PLA2G4C: variants seen among roughly 807,000 people sequenced by gnomAD.
PLA2G4C encodes the protein cytosolic phospholipase A2 gamma.
A neutral mutation model predicts 73.8 loss-of-function variants in PLA2G4C; 64 were observed. The ratio of observed to expected loss-of-function variants is 0.87; its 90% CI spans 0.71 to 1.07. PLA2G4C has a LOEUF of 1.07. Ranked by LOEUF, PLA2G4C falls within the 50% of genes least tolerant of loss-of-function variation. PLA2G4C has a pLI of 0.00. For missense variants in PLA2G4C, 622 were observed against 665.4 expected (o/e 0.93, Z 0.72); for synonymous variants, 254 against 252.1 (o/e 1.01, Z -0.07).
chr19:48,108,363 C>T (rs434371), intron 1 of PLA2G4C, among the ~76,000 whole-genome samples: 95,618 of 151,922 alleles, frequency 0.63, 31,909 homozygotes, highest in East Asian at 0.88. Context: ...CTCATTCTCC[C>T]GGGCTCATGC....
intron 15 of PLA2G4C, among the ~76,000 whole-genome samples, chr19:48,053,360 T>TTTTC (rs1967798716): frequency 3.7e-5 from 5 of 133,384 alleles, no homozygotes; most frequent in African/African-American, 8.2e-5. Context: ...TCCGGTCCTT[T>TTTTC]TTTCTTTTTT....
intron 16 of PLA2G4C, among the ~76,000 whole-genome samples, chr19:48,051,038 G>A (rs1967706102): frequency 6.6e-6 from 1 of 152,114 alleles, no homozygotes; most frequent in Non-Finnish European, 1.5e-5. Flanking sequence ...ATCCTGAGAT[G>A]AGGAGAGGAT....
chr19:48,055,433 C>T (rs1321994814), intron 14 of PLA2G4C, among the ~76,000 whole-genome samples: 3 of 140,276 alleles, frequency 2.1e-5, no homozygotes, highest in Non-Finnish European at 3.0e-5. Flanking sequence ...GGCATGGGGG[C>T]GTGCACCTGT....
At chr19:48,107,808 G>C (rs921957729) in intron 1 of PLA2G4C, among the ~76,000 whole-genome samples, 12 of 152,194 alleles carry the variant, frequency 7.9e-5, no homozygotes, top group Non-Finnish European at 1.6e-4. Flanking sequence ...AGCAGTAGCA[G>C]AATTAGTGAA....
chr19:48,071,748 T>C (rs935540898), intron 12 of PLA2G4C, among the ~76,000 whole-genome samples: 1 of 152,118 alleles, frequency 6.6e-6, no homozygotes, highest in African/African-American at 2.4e-5. Context: ...CACACCTGGC[T>C]TTTTTAAATG....
In PLA2G4C at chr19:48,106,506, C is replaced by G; in HGVS notation, c.8+16G>C. ...TGCTCTGCTTCCCCATAGTGGTCAG[C>G]TCTAAGAGGACTTACCTTCCCATGG... On this transcript the variant is annotated intron_variant, in intron 2 of 16. Transcript: ENST00000599921. 4 of 1,596,996 alleles carry G rather than the reference C, an allele frequency of 2.5e-6. No homozygotes were observed. The highest frequency in any genetic ancestry group is 2.6e-6 in the Non-Finnish European group (3 of 1,164,396).
At chr19:48,063,135 C>G (rs933988060) in intron 13 of PLA2G4C, among the ~76,000 whole-genome samples, 9 of 152,124 alleles carry the variant, frequency 5.9e-5, no homozygotes, top group Non-Finnish European at 1.2e-4. Context: ...ACCTCCACCT[C>G]CTGGCTTCAA....
At chr19:48,086,803 A>G (rs2031006752) in intron 9 of PLA2G4C, among the ~76,000 whole-genome samples, 1 of 152,182 alleles carries the variant, frequency 6.6e-6, no homozygotes, top group Non-Finnish European at 1.5e-5. Context: ...CTGGCTAACC[A>G]GGAGGTCCTG....
intron 14 of PLA2G4C, among the ~76,000 whole-genome samples, chr19:48,059,227 T>C (rs1968076388): frequency 1.4e-5 from 2 of 147,026 alleles, no homozygotes; most frequent in Non-Finnish European, 3.0e-5. Flanking sequence ...GCCGAGATTG[T>C]GCCACTGCAC....
rs11564639 is a variant in PLA2G4C at position 48,061,774 on chromosome 19, G to C, written c.1257+224C>G. On this transcript the variant is annotated intron_variant, in intron 14 of 16. Coordinates refer to ENST00000599921, the MANE Select transcript of PLA2G4C (RefSeq NM_003706.3). ...GGGGAGAGTCATCTGCCAGGAAGAG[G>C]GGCCCGGGAAGGTCTGGGATGGCTT... is the stretch of plus-strand genomic sequence containing the variant. 2.4e-4 allele frequency: 129 copies of C among 526,906 alleles called. 3 individuals carry two copies. The South Asian group carries it at 2.5e-3, about 10-fold the overall frequency. The allele number at this position is 526,906 out of a possible 1,614,324, so 32.6% of individuals were successfully genotyped here.
At chr19:48,069,055 A>C (rs1367817487) in intron 12 of PLA2G4C, among the ~76,000 whole-genome samples, 2 of 151,844 alleles carry the variant, frequency 1.3e-5, no homozygotes, top group African/African-American at 4.8e-5. Context: ...AAAAAAAAAA[A>C]AAAAAACGGT....
intron 14 of PLA2G4C, among the ~76,000 whole-genome samples, chr19:48,056,062 CAA>C (rs1330153522): frequency 6.6e-6 from 1 of 152,156 alleles, no homozygotes; most frequent in African/African-American, 2.4e-5. Flanking sequence ...TCAGTTGTAA[CAA>C]GTTTCATTTA....
chr19:48,066,041 C>G (rs762870497), intron 13 of PLA2G4C, among the ~76,000 whole-genome samples: 5 of 151,132 alleles, frequency 3.3e-5, no homozygotes, highest in Non-Finnish European at 7.4e-5. Flanking sequence ...GAGCTGAGAT[C>G]GCGCCATTGC....
At position 48,067,901 on chromosome 19, in the gene PLA2G4C, C is replaced by T. The variant is rs779546266; in HGVS notation, c.1007-15G>A. The T allele has an allele frequency of 5.1e-6, 8 of 1,583,948 alleles. No homozygotes were observed. Among genetic ancestry groups the T allele is most frequent in the Middle Eastern group, 1.7e-4 (1 of 6,022 alleles). ...ACTGAGTGAGCCTAGGGAAAGAAGCCGAGACAGCCAAGGTGAGTTCAGGAG... is the reference window on the plus strand; with the variant it reads ...ACTGAGTGAGCCTAGGGAAAGAAGCTGAGACAGCCAAGGTGAGTTCAGGAG... On this transcript the variant is annotated splice_polypyrimidine_tract_variant and intron_variant, in intron 12 of 16. Coordinates refer to ENST00000599921, the MANE Select transcript of PLA2G4C (RefSeq NM_003706.3).
At chr19:48,075,649 A>G (rs2030101936) in intron 11 of PLA2G4C, among the ~76,000 whole-genome samples, 1 of 152,138 alleles carries the variant, frequency 6.6e-6, no homozygotes, top group South Asian at 2.1e-4. Flanking sequence ...CCTTCACCGC[A>G]TTCCTTGGAG....
chr19:48,100,358 A>C lies in PLA2G4C; in HGVS notation c.258-498T>G, dbSNP rs181720840. ...ATGGTGAAACCCCGTCTCCACTAAA[A>C]ATACAGAAAAATTAGCCAGGCGTGG... On this transcript the variant is annotated intron_variant, in intron 4 of 16. Transcript: ENST00000599921. Among the ~76,000 whole-genome samples, 332 of 151,900 alleles carry C rather than the reference A, an allele frequency of 2.2e-3. 7 individuals carry two copies. Among genetic ancestry groups the C allele is most frequent in the Middle Eastern group, 6.8e-3 (2 of 294 alleles).
rs781273284 is a variant in PLA2G4C at position 48,062,022 on chromosome 19, G to A, written c.1233C>T (p.Asp411=). 25 of 1,613,824 alleles carry A rather than the reference G, an allele frequency of 1.5e-5. No homozygotes were observed. The highest frequency in any genetic ancestry group is 5.3e-5 in the African/African-American group (4 of 74,864). ...TREVHLILSF[D]FSAGDPFETI... ...CCTCGAAAGGATCTCCGGCACTGAA[G>A]TCGAAGGAGAGGATGAGGTGAACCT... Residue 411 remains aspartate, a synonymous_variant, in exon 14 of 17, where the codon GAC becomes GAT. Transcript: ENST00000599921.
rs993652166 is a variant in PLA2G4C at position 48,072,050 on chromosome 19, G to C, written c.1006+2717C>G. 6.6e-6 allele frequency among the ~76,000 whole-genome samples: 1 copy of C among 151,912 alleles called. No individual in the cohort carries two copies. Among genetic ancestry groups the C allele is most frequent in the Non-Finnish European group, 1.5e-5 (1 of 67,990 alleles). On this transcript the variant is annotated intron_variant, in intron 12 of 16. Transcript: ENST00000599921. The surrounding 1 kb of genome is among the most constrained non-coding windows in gnomAD (Gnocchi z 4.4). ...GGTCCCAGCTACTCGGGAGGCTGAG[G>C]CAGGAGAATCGCTTGAACCCGGGAG...
At chr19:48,048,614 G>A (rs543607184) in intron 16 of PLA2G4C, among the ~76,000 whole-genome samples, 24 of 152,218 alleles carry the variant, frequency 1.6e-4, no homozygotes, top group Admixed American at 1.2e-3. Context: ...CCAACACTAC[G>A]CTTATTAAGC....
Sources: allele counts gnomAD v4.1 joint callset (sites outside exome capture counted in the v4.1 genomes callset), GRCh38; gene constraint gnomAD v4.1.1; non-coding constraint Gnocchi (gnomAD v3.1); transcripts MANE v1.5; gene names NCBI Gene and HGNC (gene_info 2026-07-23, HGNC 2026-07-21).